Variants in KLB observed in about 807,000 individuals in gnomAD.
KLB encodes the protein beta-klotho.
KLB carries 44 observed loss-of-function variants against 88.4 expected under a neutral mutation model. The observed-to-expected ratio is 0.50, with a 90% CI of 0.39 to 0.64. The LOEUF (loss-of-function observed/expected upper bound fraction) is 0.64. Among genes scored for constraint, KLB ranks in the 30% least tolerant of loss-of-function variants. The probability of loss-of-function intolerance (pLI) is 0.00; values close to 1 mark genes in which losing one functional copy is unlikely to be tolerated. For missense variants in KLB, 1,137 were observed against 1,304.8 expected (o/e 0.87, Z 1.98); for synonymous variants, 548 against 513.4 (o/e 1.07, Z -0.91).
At chr4:39,429,330 C>T (rs1578207842) in intron 1 of KLB, among the ~76,000 whole-genome samples, 2 of 152,182 alleles carry the variant, frequency 1.3e-5, no homozygotes, top group African/African-American at 4.8e-5. Context: ...CCTGTCATGT[C>T]TTCCTCTGGC....
At chr4:39,435,603 T>C (rs1352639020) in intron 2 of KLB, among the ~76,000 whole-genome samples, 1 of 151,448 alleles carries the variant, frequency 6.6e-6, no homozygotes, top group Non-Finnish European at 1.5e-5. Flanking sequence ...GTTTTGTATT[T>C]TTAGTAGAGA....
chr4:39,443,823 T>C (rs557985075), intron 3 of KLB, among the ~76,000 whole-genome samples: 2 of 150,072 alleles, frequency 1.3e-5, no homozygotes, highest in African/African-American at 2.5e-5. Context: ...TCTATGAATA[T>C]CCTATTCCTC....
chr4:39,425,864 T>C lies in KLB; in HGVS notation c.826-8346T>C, dbSNP rs1743196777. On this transcript the variant is annotated intron_variant, in intron 1 of 4. Coordinates refer to ENST00000257408, the MANE Select transcript of KLB (RefSeq NM_175737.4). ...CAGGCGCAGTGGCTCATGCCTGTAA[T>C]GTCAGCACTTTGGGAGGCTGAGGCG... 2.0e-5 allele frequency among the ~76,000 whole-genome samples: 3 copies of C among 152,122 alleles called. No individual in the cohort carries two copies. The South Asian group carries it at 6.2e-4, about 31-fold the overall frequency.
chr4:39,419,275 A>C (rs899122473), intron 1 of KLB, among the ~76,000 whole-genome samples: 1 of 152,216 alleles, frequency 6.6e-6, no homozygotes, highest in African/African-American at 2.4e-5. Context: ...TTGCGATCCT[A>C]TTTAAACAGC....
intron 1 of KLB, among the ~76,000 whole-genome samples, chr4:39,431,941 G>T (rs1743370990): frequency 6.6e-6 from 1 of 152,222 alleles, no homozygotes; most frequent in African/African-American, 2.4e-5. Context: ...AAAACTGAAA[G>T]CAGGCTCTGT....
intron 3 of KLB, among the ~76,000 whole-genome samples, chr4:39,445,654 G>A (rs1324261189): frequency 1.3e-5 from 2 of 149,572 alleles, no homozygotes; most frequent in South Asian, 2.1e-4. Context: ...ACAAGCATGC[G>A]CCTCCACGCC....
chr4:39,442,915 G>A (rs1743645674), intron 3 of KLB, among the ~76,000 whole-genome samples: 1 of 151,964 alleles, frequency 6.6e-6, no homozygotes, highest in Admixed American at 6.6e-5. Context: ...TTCCAAAAAT[G>A]TCCTTTATAG....
At chr4:39,445,914 C>T (rs1743735411) in intron 3 of KLB, among the ~76,000 whole-genome samples, 1 of 152,020 alleles carries the variant, frequency 6.6e-6, no homozygotes, top group Non-Finnish European at 1.5e-5. Flanking sequence ...AGGAATTGTG[C>T]CTGGGGTCAA....
intron 1 of KLB, among the ~76,000 whole-genome samples, chr4:39,419,135 G>A (rs765646872): frequency 1.3e-5 from 2 of 151,640 alleles, no homozygotes; most frequent in Non-Finnish European, 2.9e-5. Flanking sequence ...TTTCAACTAC[G>A]ACTGGTATTC....
At chr4:39,426,430 A>T (rs1743218961) in intron 1 of KLB, among the ~76,000 whole-genome samples, 1 of 147,542 alleles carries the variant, frequency 6.8e-6, no homozygotes, top group African/African-American at 2.5e-5. Flanking sequence ...AAAAAAAAAA[A>T]AAAAAAAAGG....
At chr4:39,424,114 A>G (rs1453085355) in intron 1 of KLB, among the ~76,000 whole-genome samples, 1 of 151,814 alleles carries the variant, frequency 6.6e-6, no homozygotes, top group Non-Finnish European at 1.5e-5. Context: ...CTGTCACCCA[A>G]GCTGGAGTGC....
chr4:39,440,095 T>A (rs1451663958), intron 3 of KLB, among the ~76,000 whole-genome samples: 1 of 151,810 alleles, frequency 6.6e-6, no homozygotes, highest in East Asian at 1.9e-4. Flanking sequence ...TGAGCCACCA[T>A]GCCCGCTTTT....
At chr4:39,417,754 G>A (rs765582067) in intron 1 of KLB, among the ~76,000 whole-genome samples, 10 of 152,036 alleles carry the variant, frequency 6.6e-5, no homozygotes, top group Non-Finnish European at 1.3e-4. Flanking sequence ...TGTAATATCA[G>A]AAACATACTA....
At position 39,423,680 on chromosome 4, in the gene KLB, C is replaced by T. The variant is rs145422401; in HGVS notation, c.826-10530C>T. Reference sequence around the variant, plus strand: ...AACAAACTAGCTGATCCATAATAGGCATTCATTCAACAAATATTCTAGGCC... The same window carrying T: ...AACAAACTAGCTGATCCATAATAGGTATTCATTCAACAAATATTCTAGGCC... On this transcript the variant is annotated intron_variant, in intron 1 of 4. Coordinates refer to ENST00000257408, the MANE Select transcript of KLB (RefSeq NM_175737.4). Among the ~76,000 whole-genome samples, 93 of 151,848 alleles carry T rather than the reference C, an allele frequency of 6.1e-4. 4 individuals carry two copies. Among genetic ancestry groups the T allele is most frequent in the African/African-American group, 2.2e-3 (90 of 41,138 alleles).
chr4:39,416,800 C>T (rs1742972709), intron 1 of KLB, among the ~76,000 whole-genome samples: 1 of 152,082 alleles, frequency 6.6e-6, no homozygotes, highest in Non-Finnish European at 1.5e-5. Flanking sequence ...AATAATAAAA[C>T]TGCAAAAACA....
At chr4:39,426,589 A>T (rs67026850) in intron 1 of KLB, among the ~76,000 whole-genome samples, 5 of 26,116 alleles carry the variant, frequency 1.9e-4, no homozygotes, top group South Asian at 1.9e-3. Context: ...AAAACTTTTT[A>T]AAAAAATAGT....
chr4:39,436,909 T>C (rs1743483919), intron 2 of KLB, among the ~76,000 whole-genome samples: 1 of 151,950 alleles, frequency 6.6e-6, no homozygotes, highest in Admixed American at 6.6e-5. Flanking sequence ...AAGGCTTCAC[T>C]ATGTTGCCCA....
rs533908043 is a variant in KLB at position 39,414,501 on chromosome 4, A to G, written c.825+6727A>G. Among the ~76,000 whole-genome samples the G allele has an allele frequency of 1.1e-4, 16 of 152,256 alleles. No individual in the cohort carries two copies. In the East Asian group the frequency reaches 3.1e-3, roughly 29 times the overall value. On this transcript the variant is annotated intron_variant, in intron 1 of 4. Coordinates refer to ENST00000257408, the MANE Select transcript of KLB (RefSeq NM_175737.4). ...ATTAAGCATTAGTTATTTCTTAACC[A>G]TTAATATTTTCTTATATTAACCATT...
chr4:39,425,203 A>G (rs114572159), intron 1 of KLB, among the ~76,000 whole-genome samples: 1,907 of 152,314 alleles, frequency 0.013, 44 homozygotes, highest in African/African-American at 0.044. Flanking sequence ...GGGAAACTAG[A>G]TGCTTCATTT....
Sources: allele counts gnomAD v4.1 joint callset (sites outside exome capture counted in the v4.1 genomes callset), GRCh38; gene constraint gnomAD v4.1.1; transcripts MANE v1.5; gene names NCBI Gene and HGNC (gene_info 2026-07-23, HGNC 2026-07-21).